Variants in PCSK5 observed in about 807,000 individuals in gnomAD.
PCSK5 encodes proprotein convertase subtilisin/kexin type 5.
A neutral mutation model predicts 233.2 loss-of-function variants in PCSK5; 129 were observed. The observed-to-expected ratio is 0.55, with a 90% CI of 0.48 to 0.64. The LOEUF is 0.64. Ranked by LOEUF, PCSK5 falls within the 30% of genes least tolerant of loss-of-function variation. PCSK5 has a pLI of 0.00. For synonymous variants in PCSK5, 825 were observed against 879.2 expected (o/e 0.94, Z 1.09); for missense variants, 2,076 against 2,430.1 (o/e 0.85, Z 3.06).
Position 76,030,632 on chromosome 9 carries a change from A to G in PCSK5, c.632+3595A>G, listed in dbSNP as rs543345138. On this transcript the variant is annotated intron_variant, in intron 5 of 37. Transcript: ENST00000674117. ...GTTAAAAACCTTTTTATATTCAACA[A>G]TGTTTCCTGCATGATTTTAATACAT... Among the ~76,000 whole-genome samples the G allele has an allele frequency of 4.7e-4, 72 of 152,230 alleles. 1 individual carries two copies. Among genetic ancestry groups the G allele is most frequent in the African/African-American group, 1.5e-3 (63 of 41,568 alleles).
intron 8 of PCSK5, among the ~76,000 whole-genome samples, chr9:76,097,385 G>A (rs1014464138): frequency 2.9e-5 from 4 of 138,498 alleles, no homozygotes; most frequent in Non-Finnish European, 4.5e-5. Flanking sequence ...TCAGCCTCCC[G>A]AGTAGCTGGG....
At chr9:75,944,970 G>A (rs1034191108) in intron 2 of PCSK5, among the ~76,000 whole-genome samples, 1 of 151,924 alleles carries the variant, frequency 6.6e-6, no homozygotes, top group Non-Finnish European at 1.5e-5. Context: ...TTAGCCGGGT[G>A]TAGTGGTGCA....
chr9:75,954,237 G>C (rs1032484693), intron 2 of PCSK5, among the ~76,000 whole-genome samples: 3 of 152,128 alleles, frequency 2.0e-5, no homozygotes, highest in Non-Finnish European at 4.4e-5. Context: ...ATCAGGATAT[G>C]TTTTTCTTTA....
At chr9:76,011,157 T>A (rs1001735343) in intron 3 of PCSK5, among the ~76,000 whole-genome samples, 3 of 152,210 alleles carry the variant, frequency 2.0e-5, no homozygotes, top group Admixed American at 2.0e-4. Context: ...TAGTGGAGGA[T>A]AAAAATAAGT....
chr9:76,179,522 A>G (rs1823754347), intron 14 of PCSK5, 74 bp from the exon 15 acceptor site: 1 of 1,048,130 alleles, frequency 9.5e-7, no homozygotes, highest in African/African-American at 1.6e-5. Context: ...TCTTATTTTT[A>G]TACCAAATTC....
intron 10 of PCSK5, among the ~76,000 whole-genome samples, chr9:76,142,993 GA>G (rs1823291378): frequency 6.6e-6 from 1 of 152,082 alleles, no homozygotes; most frequent in Non-Finnish European, 1.5e-5. Flanking sequence ...AAAAGTGTTG[GA>G]AAAAGCATAA....
chr9:76,139,848 C>G (rs1483770660), intron 10 of PCSK5, among the ~76,000 whole-genome samples: 3 of 152,046 alleles, frequency 2.0e-5, no homozygotes, highest in Admixed American at 6.6e-5. Flanking sequence ...GAATTTTACC[C>G]TTATTGTTTT....
Position 76,325,825 on chromosome 9 carries a change from C to T in PCSK5, c.4340-2184C>T, listed in dbSNP as rs983914960. ...GCTAATTTTGTATTTTTAGTAGAGA[C>T]AGAGTTTCTCCATATTGGTCAGGGT... On this transcript the variant is annotated intron_variant, in intron 32 of 37. Transcript: ENST00000674117. Among the ~76,000 whole-genome samples the T allele has an allele frequency of 2.0e-5, 3 of 152,038 alleles. No individual in the cohort carries two copies. The East Asian group carries it at 5.8e-4, about 29-fold the overall frequency.
At chr9:76,307,169 A>C (rs1828727810) in intron 28 of PCSK5, among the ~76,000 whole-genome samples, 1 of 151,842 alleles carries the variant, frequency 6.6e-6, no homozygotes, top group African/African-American at 2.4e-5. Flanking sequence ...GGATTCTGAG[A>C]GTTTAATTAC....
At chr9:76,239,253 C>A in intron 23 of PCSK5, 88 bp downstream of exon 23, 2 of 1,102,584 alleles carry the variant, frequency 1.8e-6, no homozygotes, top group Non-Finnish European at 2.7e-6. Flanking sequence ...AATTGCCTTC[C>A]TGGCTTGCAT....
intron 2 of PCSK5, among the ~76,000 whole-genome samples, chr9:75,963,984 GGCCTTGGA>G (rs1825467526): frequency 6.6e-6 from 1 of 152,178 alleles, no homozygotes; most frequent in Admixed American, 6.5e-5. Context: ...ATTTTTACGT[GGCCTTGGA>G]CACTTTGCTT....
rs553921567 is a variant in PCSK5, at chr9:75,981,211, G to GT, written c.298-4916dup. Reference sequence around the variant, plus strand: ...AGAACATTGACCTCACCTGTCTGTTGTTTTTAACGAAATGTTTATTCCTAG... The same window carrying GT: ...AGAACATTGACCTCACCTGTCTGTTGTTTTTTAACGAAATGTTTATTCCTAG... On this transcript the variant is annotated intron_variant, in intron 2 of 37. Transcript: ENST00000674117. Among the ~76,000 whole-genome samples the GT allele has an allele frequency of 3.3e-5, 5 of 152,186 alleles. 1 individual carries two copies. The East Asian group carries it at 7.7e-4, about 24-fold the overall frequency.
chr9:76,228,666 A>G (rs776404756), intron 21 of PCSK5, among the ~76,000 whole-genome samples: 8 of 152,186 alleles, frequency 5.3e-5, no homozygotes, highest in Non-Finnish European at 7.4e-5. Context: ...AGCACTGAAT[A>G]TTTTTTGGCT....
intron 10 of PCSK5, among the ~76,000 whole-genome samples, chr9:76,142,972 T>A (rs1208561885): frequency 1.3e-5 from 2 of 152,162 alleles, no homozygotes; most frequent in East Asian, 3.8e-4. Flanking sequence ...CAATAAACAA[T>A]AAATGGCCTC....
At chr9:76,033,591 A>G (rs1828736869) in intron 5 of PCSK5, among the ~76,000 whole-genome samples, 1 of 152,198 alleles carries the variant, frequency 6.6e-6, no homozygotes, top group Admixed American at 6.5e-5. Flanking sequence ...TGGAAAAAAA[A>G]AAAATCTGAC....
chr9:76,211,773 G>GCACT (rs1338321185), intron 20 of PCSK5, among the ~76,000 whole-genome samples: 1 of 152,192 alleles, frequency 6.6e-6, no homozygotes, highest in East Asian at 1.9e-4. Flanking sequence ...GCTTAAGCCT[G>GCACT]GGAGCTTGAG....
intron 24 of PCSK5, among the ~76,000 whole-genome samples, chr9:76,284,744 T>G (rs1828006640): frequency 6.6e-6 from 1 of 151,818 alleles, no homozygotes; most frequent in Admixed American, 6.6e-5. Flanking sequence ...GTTGGTCAGG[T>G]TGGTCTCAAA....
chr9:76,303,755 G>T (rs1342724487), intron 28 of PCSK5, among the ~76,000 whole-genome samples: 1 of 152,174 alleles, frequency 6.6e-6, no homozygotes, highest in Non-Finnish European at 1.5e-5. Context: ...ACTTTGAGAG[G>T]CATGCGGAAC....
rs571370040 is a variant in PCSK5 at position 76,085,889 on chromosome 9, C to A, written c.895-10001C>A. Among the ~76,000 whole-genome samples the A allele has an allele frequency of 3.3e-5, 5 of 152,278 alleles. No homozygotes were observed. In the East Asian group the frequency reaches 9.7e-4, roughly 29 times the overall value. On this transcript the variant is annotated intron_variant, in intron 7 of 37. Transcript: ENST00000674117. ...GAAGAGTATGAACTTTCCATTATTG[C>A]TGGAATATCCCTCTATCCTCCTTTC...
Sources: allele counts gnomAD v4.1 joint callset (sites outside exome capture counted in the v4.1 genomes callset), GRCh38; gene constraint gnomAD v4.1.1; transcripts MANE v1.5; gene names NCBI Gene and HGNC (gene_info 2026-07-23, HGNC 2026-07-21).